HDAC4: variants seen among roughly 807,000 people sequenced by gnomAD.
HDAC4 encodes the protein histone deacetylase 4, also known as histone deacetylase A.
In HDAC4, 16 loss-of-function variants were observed where a neutral mutation model predicts 135.1. That is an observed-to-expected ratio of 0.12 (90% CI 0.08 to 0.18). HDAC4 has a LOEUF of 0.18. Among genes scored for constraint, HDAC4 ranks in the 10% least tolerant of loss-of-function variants. HDAC4 has a pLI of 1.00. For missense variants in HDAC4, 1,143 were observed against 1,511.8 expected (o/e 0.76, Z 4.05); for synonymous variants, 685 against 653.4 (o/e 1.05, Z -0.74).
At chr2:239,263,568 A>G (rs1441357922) in intron 2 of HDAC4, among the ~76,000 whole-genome samples, 1 of 152,116 alleles carries the variant, frequency 6.6e-6, no homozygotes, top group Non-Finnish European at 1.5e-5. Context: ...GCTGTCAAGG[A>G]CAGGGGCAAG....
rs2036823598 is a variant in HDAC4 at position 239,094,583 on chromosome 2, T to C, written c.2280+427A>G. ...AGCCCTACAGACTCCACGTGGCCCA[T>C]GAGTATCACGGTCACTGCACTGGGA... On this transcript the variant is annotated intron_variant, in intron 17 of 26. Coordinates refer to ENST00000543185, the MANE Select transcript of HDAC4 (RefSeq NM_001378414.1). 6 of 1,118,974 alleles carry C rather than the reference T, an allele frequency of 5.4e-6. No homozygotes were observed. In the South Asian group the frequency reaches 8.9e-5, roughly 17 times the overall value. The allele number at this position is 1,118,974 out of a possible 1,614,324, so 69.3% of individuals were successfully genotyped here. A position where few individuals can be genotyped will look rare whatever the true frequency, so the allele number is the denominator to read the frequency against.
At chr2:239,060,471 C>T (rs1007975591) in intron 24 of HDAC4, among the ~76,000 whole-genome samples, 4 of 152,126 alleles carry the variant, frequency 2.6e-5, no homozygotes, top group African/African-American at 9.7e-5. Context: ...GAGGGAAAGC[C>T]CAGGTGGCCA....
rs781548737 is a variant in HDAC4 at position 239,134,287 on chromosome 2, C to G, written c.1252G>C (p.Val418Leu). The change falls in exon 11 of 27, where the codon GTC (valine) becomes CTC (leucine). Residue 418 changes from valine (V) to leucine (L), a missense_variant. Coordinates refer to ENST00000543185, the MANE Select transcript of HDAC4 (RefSeq NM_001378414.1). ...AAHSPLLQHM[V>L]LLEQPPAQAP... The stretch of plus-strand genomic sequence containing the variant: ...TGTGCCGGCGGCTGCTCCAGTAAGA[C>G]CATGTGCTGCAGAAGAGGGCTGTGC... 4 of 1,613,276 alleles carry G rather than the reference C, an allele frequency of 2.5e-6. No individual in the cohort carries two copies. In the African/African-American group the frequency reaches 5.3e-5, roughly 22 times the overall value.
At chr2:239,273,101 T>C (rs2050145569) in intron 2 of HDAC4, among the ~76,000 whole-genome samples, 1 of 152,106 alleles carries the variant, frequency 6.6e-6, no homozygotes, top group Non-Finnish European at 1.5e-5. Flanking sequence ...TGATTAAGGA[T>C]ACTGAGATGA....
chr2:239,371,334 T>C (rs1217336106), intron 1 of HDAC4, among the ~76,000 whole-genome samples: 2 of 151,790 alleles, frequency 1.3e-5, no homozygotes, highest in African/African-American at 2.4e-5. Context: ...CTCACAATCA[T>C]GAACACACTC....
intron 1 of HDAC4, among the ~76,000 whole-genome samples, chr2:239,378,742 A>G (rs1398614484): frequency 3.9e-5 from 6 of 152,040 alleles, no homozygotes; most frequent in African/African-American, 1.2e-4. Context: ...CAATGACCCC[A>G]GCAACCAATG....
At position 239,139,790 on chromosome 2, in the gene HDAC4, G is replaced by A. The variant is rs1175448548; in HGVS notation, c.872C>T (p.Ala291Val). The A allele has an allele frequency of 9.3e-6, 15 of 1,612,924 alleles. No individual in the cohort carries two copies. Among genetic ancestry groups the A allele is most frequent in the South Asian group, 3.3e-5 (3 of 91,078 alleles). ...TCCGGAGCCTGGGGCGCTGCTGCAC[G>A]CGGAGTCTGCGGAGGCAGAAATACC... Reference protein sequence around the residue: ...KKRPLDVTDSACSSAPGSGPS... With the variant: ...KKRPLDVTDSVCSSAPGSGPS... The change falls in exon 9 of 27, where the codon GCG becomes GTG. Residue 291 changes from alanine (A) to valine (V), a missense_variant. Transcript: ENST00000543185. This position sits in a 1 kb window ranked among gnomAD's most constrained non-coding sequence, Gnocchi z 5.3.
chr2:239,282,984 G>A (rs1390045554), intron 2 of HDAC4, among the ~76,000 whole-genome samples: 10 of 143,862 alleles, frequency 7.0e-5, no homozygotes, highest in East Asian at 6.4e-4. Flanking sequence ...CTCAATGTAC[G>A]TACCACTCTA....
At chr2:239,168,828 G>C (rs1399257474) in intron 5 of HDAC4, among the ~76,000 whole-genome samples, 1 of 152,226 alleles carries the variant, frequency 6.6e-6, no homozygotes, top group Non-Finnish European at 1.5e-5. Context: ...AGCTTGCCAA[G>C]TACCCAACTG....
intron 7 of HDAC4, among the ~76,000 whole-genome samples, chr2:239,150,218 C>T (rs1458923162): frequency 1.3e-5 from 2 of 152,132 alleles, no homozygotes; most frequent in East Asian, 3.9e-4. Flanking sequence ...CACACAGACA[C>T]ACAGATACAC....
chr2:239,224,895 T>A (rs1455809956), intron 3 of HDAC4, among the ~76,000 whole-genome samples: 1 of 152,234 alleles, frequency 6.6e-6, no homozygotes, highest in Non-Finnish European at 1.5e-5. Flanking sequence ...TAAGCTGGAA[T>A]TAATGAGCAT....
chr2:239,357,692 T>C (rs542600644), intron 1 of HDAC4, among the ~76,000 whole-genome samples: 5 of 151,084 alleles, frequency 3.3e-5, no homozygotes, highest in Non-Finnish European at 5.9e-5. Flanking sequence ...GAGAGCAGCC[T>C]GGGCAACATT....
chr2:239,215,922 A>G (rs1449967852), intron 3 of HDAC4, among the ~76,000 whole-genome samples: 1 of 152,220 alleles, frequency 6.6e-6, no homozygotes, highest in Non-Finnish European at 1.5e-5. Context: ...GTCCCCAAGT[A>G]AATATTTATG....
rs1270549217 is a variant in HDAC4 at position 239,262,209 on chromosome 2, T to C, written c.23-25545A>G. ...GGTATCCACGTGGCTTTTTATAAGC[T>C]AGTATTTCCTCCTGTGGTGTCTCCT... On this transcript the variant is annotated intron_variant, in intron 2 of 26. Transcript: ENST00000543185. This position sits in a 1 kb window ranked among gnomAD's most constrained non-coding sequence, Gnocchi z 4.1. 6.6e-6 allele frequency among the ~76,000 whole-genome samples: 1 copy of C among 152,190 alleles called. No homozygotes were observed. Among genetic ancestry groups the C allele is most frequent in the African/African-American group, 2.4e-5 (1 of 41,448 alleles).
chr2:239,292,146 A>T (rs2051553482), intron 2 of HDAC4, among the ~76,000 whole-genome samples: 1 of 152,134 alleles, frequency 6.6e-6, no homozygotes, highest in African/African-American at 2.4e-5. Flanking sequence ...AGGCAAGGGG[A>T]CGGCCAGGAT....
At chr2:239,178,830 C>A (rs896275218) in intron 4 of HDAC4, among the ~76,000 whole-genome samples, 1 of 152,212 alleles carries the variant, frequency 6.6e-6, no homozygotes, top group South Asian at 2.1e-4. Context: ...GGGCTCCGGG[C>A]TGGCTCCAGA....
intron 1 of HDAC4, among the ~76,000 whole-genome samples, chr2:239,353,215 T>C (rs1482431671): frequency 6.6e-6 from 1 of 152,148 alleles, no homozygotes; most frequent in African/African-American, 2.4e-5. Context: ...GGTTTTGCCA[T>C]GTTGGCCCAG....
chr2:239,215,441 A>G (rs1245197142), intron 3 of HDAC4, among the ~76,000 whole-genome samples: 1 of 152,054 alleles, frequency 6.6e-6, no homozygotes, highest in Non-Finnish European at 1.5e-5. Context: ...TGCAGGCCAA[A>G]GTGCCCTCCC....
At chr2:239,264,652 T>G (rs2049602666) in intron 2 of HDAC4, among the ~76,000 whole-genome samples, 1 of 152,158 alleles carries the variant, frequency 6.6e-6, no homozygotes, top group Admixed American at 6.5e-5. Flanking sequence ...AGGAAGCTGA[T>G]GCAACAGTCG....
Sources: gnomAD v4.1 joint callset for allele counts (sites outside exome capture counted in the v4.1 genomes callset) on GRCh38, gnomAD v4.1.1 for gene constraint, Gnocchi (gnomAD v3.1) non-coding constraint, MANE v1.5 for transcripts, NCBI Gene and HGNC (gene_info 2026-07-23, HGNC 2026-07-21) for gene names.